The following OR13G1 variants were observed in gnomAD, a reference collection of about 807,000 sequenced individuals.
The protein encoded by OR13G1 is olfactory receptor family 13 subfamily G member 1.
For synonymous variants in OR13G1, 128 were observed against 136.2 expected (o/e 0.94, Z 0.42); for missense variants, 369 against 385.7 (o/e 0.96, Z 0.36).
At chr1:247,675,656 G>A (rs890752884) in intron 1 of OR13G1, among the ~76,000 whole-genome samples, 3 of 152,098 alleles carry the variant, frequency 2.0e-5, no homozygotes, top group Non-Finnish European at 4.4e-5. Context: ...TGAGGAGAGG[G>A]TATCTACTGA....
chr1:247,674,596 G>A (rs1659304198), intron 1 of OR13G1, among the ~76,000 whole-genome samples: 1 of 152,138 alleles, frequency 6.6e-6, no homozygotes, highest in South Asian at 2.1e-4. Context: ...CTGAAGGAAT[G>A]TTACAGCCAC....
intron 1 of OR13G1, among the ~76,000 whole-genome samples, chr1:247,677,514 A>G (rs1223237315): frequency 6.6e-6 from 1 of 152,156 alleles, no homozygotes; most frequent in Non-Finnish European, 1.5e-5. Flanking sequence ...ATTTAAGTTT[A>G]ACAATAGGAT....
At chr1:247,678,089 G>A (rs1476452981) in intron 1 of OR13G1, among the ~76,000 whole-genome samples, 2 of 152,110 alleles carry the variant, frequency 1.3e-5, no homozygotes, top group African/African-American at 4.8e-5. Context: ...GGCAACAAGA[G>A]CGAAACTCTG....
Position 247,672,238 on chromosome 1 carries a change from G to A in OR13G1, c.804C>T (p.Asp268=), listed in dbSNP as rs750215325. ...RPASSYTFER[D]KVVAALYTLV... is the part of the protein sequence containing the mutation. ...GAGTATAGAGTGCAGCTACCACCTT[G>A]TCTCTTTCAAATGTATAGCTGGAAG... is the stretch of plus-strand genomic sequence containing the variant. Residue 268 remains aspartate, a synonymous_variant, in exon 2 of 2, where the codon GAC becomes GAT. Coordinates refer to ENST00000642119, the MANE Select transcript of OR13G1 (RefSeq NM_001005487.2). The A allele has an allele frequency of 1.9e-6, 3 of 1,614,058 alleles. No individual in the cohort carries two copies. The highest frequency in any genetic ancestry group is 2.2e-5 in the East Asian group (1 of 44,868).
chr1:247,676,229 G>A (rs1401014206), intron 1 of OR13G1, among the ~76,000 whole-genome samples: 9 of 151,498 alleles, frequency 5.9e-5, no homozygotes. Context: ...CCTATTCTGG[G>A]GACTTATTGA....
intron 1 of OR13G1, among the ~76,000 whole-genome samples, chr1:247,678,449 CTG>C (rs1659395066): frequency 6.6e-6 from 1 of 152,220 alleles, no homozygotes. Flanking sequence ...ACAGCAGCCA[CTG>C]TGTTTTATGG....
chr1:247,678,802 T>TA (rs1659403397), intron 1 of OR13G1, among the ~76,000 whole-genome samples: 1 of 152,114 alleles, frequency 6.6e-6, no homozygotes, highest in Non-Finnish European at 1.5e-5. Flanking sequence ...GGCCCTACCC[T>TA]ACAAAGGATA....
Position 247,671,407 on chromosome 1 carries a change from G to A in OR13G1, c.*711C>T, listed in dbSNP as rs891085187. 1 of 151,996 alleles carries A rather than the reference G, an allele frequency of 6.6e-6. No individual in the cohort carries two copies. Among genetic ancestry groups the A allele is most frequent in the African/African-American group, 2.4e-5 (1 of 41,394 alleles). 9.4% of individuals were successfully genotyped at this position (151,996 alleles called of 1,614,324 possible). A position where few individuals can be genotyped will look rare whatever the true frequency, so the allele number is the denominator to read the frequency against. ...GAAGGGCAGAACAAGATGACTGAAG[G>A]TGCCTGTTTCATTGATGGACCCATT... On this transcript the variant is annotated 3_prime_UTR_variant, in exon 2 of 2. Coordinates refer to ENST00000642119, the MANE Select transcript of OR13G1 (RefSeq NM_001005487.2).
chr1:247,675,387 A>G (rs1317227533), intron 1 of OR13G1, among the ~76,000 whole-genome samples: 1 of 152,168 alleles, frequency 6.6e-6, no homozygotes, highest in Non-Finnish European at 1.5e-5. Context: ...CAAGTACACA[A>G]GGGCAAGTTT....
Position 247,672,336 on chromosome 1 carries a change from A to C in OR13G1, c.706T>G (p.Ser236Ala). The C allele has an allele frequency of 6.2e-7, 1 of 1,613,912 alleles. No homozygotes were observed. The highest frequency in any genetic ancestry group is 2.2e-5 in the East Asian group (1 of 44,878). Residue 236 changes from serine (S) to alanine (A), a missense_variant, in exon 2 of 2, where the codon TCA (serine) becomes GCA (alanine). Transcript: ENST00000642119. ...RTVEGKRKAFSTCSSHLTVVT... is the reference protein window; with the variant it reads ...RTVEGKRKAFATCSSHLTVVT... ...ACTGTGAGATGAGATGAGCATGTTG[A>C]GAAGGCCTTCCTCTTGCCTTCTACT...
chr1:247,674,514 GA>G (rs1049772680), intron 1 of OR13G1, among the ~76,000 whole-genome samples: 1 of 151,878 alleles, frequency 6.6e-6, no homozygotes, highest in Admixed American at 6.5e-5. Context: ...TAAACTGGAA[GA>G]AAAAAATAGA....
Position 247,672,867 on chromosome 1 carries a change from A to G in OR13G1, c.175T>C (p.Phe59Leu). 1.2e-6 allele frequency: 2 copies of G among 1,614,140 alleles called. No individual in the cohort carries two copies. The highest frequency in any genetic ancestry group is 1.7e-6 in the Non-Finnish European group (2 of 1,180,016). Residue 59 changes from phenylalanine (F) to leucine (L), a missense_variant, in exon 2 of 2, where the codon TTC becomes CTC. By Grantham distance (22) the Phe-to-Leu change is conservative (BLOSUM62 0). Transcript: ENST00000642119. The part of the protein sequence containing the change: ...NNTLHTPMYV[F>L]LLTLAVVDII... ...TCCACAACAGCCAGTGTCAGAAGGA[A>G]AACATACATGGGCGTATGCAAGGTG...
intron 1 of OR13G1, among the ~76,000 whole-genome samples, chr1:247,673,784 G>A (rs3862186): frequency 0.049 from 7,498 of 152,114 alleles, 657 homozygotes; most frequent in African/African-American, 0.17. Context: ...ATAAAATGTA[G>A]GGTTGTGTCT....
chr1:247,671,915 G>A lies in OR13G1; in HGVS notation c.*203C>T, dbSNP rs1310415648. The A allele has an allele frequency of 6.5e-5, 35 of 541,266 alleles. No individual in the cohort carries two copies. The highest frequency in any genetic ancestry group is 9.7e-5 in the Non-Finnish European group (30 of 308,162). The allele number at this position is 541,266 out of a possible 1,614,324, so 33.5% of individuals were successfully genotyped here. On this transcript the variant is annotated 3_prime_UTR_variant, in exon 2 of 2. Transcript: ENST00000642119. ...AATATATATTATGACATATATTTAT[G>A]TGAGGGTATTGTGCATATTGCTTTA...
chr1:247,673,153 A>C lies in OR13G1; in HGVS notation c.-112T>G. ...AGGAGTGTGTGTACTTAGGGACTTA[A>C]TTCTTGATTGGACACAACTTTGCAG... On this transcript the variant is annotated 5_prime_UTR_variant, in exon 2 of 2. Coordinates refer to ENST00000642119, the MANE Select transcript of OR13G1 (RefSeq NM_001005487.2). 1 of 794,084 alleles carries C rather than the reference A, an allele frequency of 1.3e-6. No individual in the cohort carries two copies. The highest frequency in any genetic ancestry group is 2.4e-4 in the Middle Eastern group (1 of 4,094). 49.2% of individuals were successfully genotyped at this position (794,084 alleles called of 1,614,324 possible). A position where few individuals can be genotyped will look rare whatever the true frequency, so the allele number is the denominator to read the frequency against.
At chr1:247,677,999 A>G (rs1151670) in intron 1 of OR13G1, among the ~76,000 whole-genome samples, 59,834 of 151,844 alleles carry the variant, frequency 0.39, 12,550 homozygotes, top group East Asian at 0.58. Flanking sequence ...GCTACTCAAG[A>G]GGCTGAGGCA....
chr1:247,674,743 G>T lies in OR13G1; in HGVS notation c.-238-1464C>A, dbSNP rs562327566. Among the ~76,000 whole-genome samples, 8 of 142,554 alleles carry T rather than the reference G, an allele frequency of 5.6e-5. No homozygotes were observed. The East Asian group carries it at 1.6e-3, about 28-fold the overall frequency. 93.5% of individuals were successfully genotyped at this position (142,554 alleles called of 152,430 possible). A position where few individuals can be genotyped will look rare whatever the true frequency, so the allele number is the denominator to read the frequency against. ...GTTGATAAGCAAACAATGCATGGGA[G>T]TAAAAATAATAGTAGGTAGATTGTG... On this transcript the variant is annotated intron_variant, in intron 1 of 1. Coordinates refer to ENST00000642119, the MANE Select transcript of OR13G1 (RefSeq NM_001005487.2).
intron 1 of OR13G1, among the ~76,000 whole-genome samples, chr1:247,678,350 A>T (rs1253490840): frequency 6.6e-6 from 1 of 152,206 alleles, no homozygotes; most frequent in African/African-American, 2.4e-5. Flanking sequence ...TCCGTCTTCA[A>T]GTATTTTCAT....
intron 1 of OR13G1, among the ~76,000 whole-genome samples, chr1:247,674,229 T>C (rs115511401): frequency 1.3e-5 from 2 of 152,198 alleles, no homozygotes; most frequent in African/African-American, 4.8e-5. Flanking sequence ...GCACAGACAG[T>C]TACACGAATT....
Sources: allele counts gnomAD v4.1 joint callset (sites outside exome capture counted in the v4.1 genomes callset), GRCh38; gene constraint gnomAD v4.1.1; transcripts MANE v1.5; gene names NCBI Gene and HGNC (gene_info 2026-07-23, HGNC 2026-07-21).